KPNA5: variants seen among roughly 807,000 people sequenced by gnomAD.
KPNA5 encodes karyopherin subunit alpha 5.
Under a neutral mutation model 71.3 loss-of-function variants are expected in KPNA5, and 46 were observed. The ratio of observed to expected loss-of-function variants is 0.65; its 90% CI spans 0.51 to 0.83. The LOEUF is 0.83. Ranked by LOEUF, KPNA5 falls within the 40% of genes least tolerant of loss-of-function variation. The pLI is 0.00. For missense variants in KPNA5, 547 were observed against 628.3 expected, an observed-to-expected ratio of 0.87 and a Z score of 1.38; for synonymous variants, 207 against 201.4, an observed-to-expected ratio of 1.03 and a Z score of -0.24.
Position 116,729,606 on chromosome 6 carries a change from T to G in KPNA5, c.1297T>G (p.Leu433Val). Residue 433 changes from leucine (L) to valine (V), a missense_variant, in exon 13 of 14, where the codon TTG becomes GTG. Coordinates refer to ENST00000368564, the MANE Select transcript of KPNA5 (RefSeq NM_001366306.2). ...LGCIKPLCDL[L>V]TVMDSKIVQV... ...CTGCATTAAACCACTTTGTGATCTT[T>G]TGACTGTTATGGACTCCAAAATAGT... is the stretch of plus-strand genomic sequence containing the variant. 6.2e-7 allele frequency: 1 copy of G among 1,600,502 alleles called. No homozygotes were observed. Among genetic ancestry groups the G allele is most frequent in the Non-Finnish European group, 8.5e-7 (1 of 1,173,138 alleles).
Position 116,709,973 on chromosome 6 carries a change from A to G in KPNA5, c.656+4813A>G, listed in dbSNP as rs1583426367. Among the ~76,000 whole-genome samples, 3 of 152,004 alleles carry G rather than the reference A, an allele frequency of 2.0e-5. 1 individual carries two copies. In the East Asian group the frequency reaches 5.8e-4, roughly 29 times the overall value. On this transcript the variant is annotated intron_variant, in intron 7 of 13. Transcript: ENST00000368564. ...ACAGGGTTTCACCATGTTGGCCAGGATGGTCTCCATCTCCTAACCTCGTGA... is the reference window on the plus strand; with the variant it reads ...ACAGGGTTTCACCATGTTGGCCAGGGTGGTCTCCATCTCCTAACCTCGTGA...
At chr6:116,720,689 C>T (rs1192331107) in intron 8 of KPNA5, among the ~76,000 whole-genome samples, 1 of 151,920 alleles carries the variant, frequency 6.6e-6, no homozygotes, top group African/African-American at 2.4e-5. Context: ...CCTGTCTGTA[C>T]AAAAATTAGC....
Position 116,710,416 on chromosome 6 carries a change from T to G in KPNA5, c.656+5256T>G, listed in dbSNP as rs1430201610. On this transcript the variant is annotated intron_variant, in intron 7 of 13. Coordinates refer to ENST00000368564, the MANE Select transcript of KPNA5 (RefSeq NM_001366306.2). ...TTAAAAAAAAAATTTTGCGGCTACA[T>G]AGTAGATATGTTTATTTATGGGGTA... Among the ~76,000 whole-genome samples the G allele has an allele frequency of 2.6e-5, 4 of 152,276 alleles. No homozygotes were observed. The East Asian group carries it at 7.7e-4, about 29-fold the overall frequency.
In KPNA5 at chr6:116,735,368, TCAG is replaced by T. The variant is rs1779635536; in HGVS notation, c.*3048_*3050del. The T allele has an allele frequency of 6.6e-6, 1 of 151,784 alleles. No homozygotes were observed. The highest frequency in any genetic ancestry group is 2.1e-4 in the South Asian group (1 of 4,836). The allele number at this position is 151,784 out of a possible 1,614,324, so 9.4% of individuals were successfully genotyped here. ...GTGAATTTTTGTTATGGTTCTCAAT[TCAG>T]CAATCTACTGGCTGCTTGCGAAACT... On this transcript the variant is annotated 3_prime_UTR_variant, in exon 14 of 14. Transcript: ENST00000368564.
Position 116,738,743 on chromosome 6 carries a change from C to CA in KPNA5, c.*6426dup, listed in dbSNP as rs1445417302. ...TCCAGCATATAAACAGAACCAAAGACAAAAAACACATGATTATCTCAACAA... is the reference window on the plus strand; with the variant it reads ...TCCAGCATATAAACAGAACCAAAGACAAAAAAACACATGATTATCTCAACAA... On this transcript the variant is annotated 3_prime_UTR_variant, in exon 14 of 14. Transcript: ENST00000368564. The CA allele has an allele frequency of 1.3e-5, 2 of 152,086 alleles. No homozygotes were observed. Among genetic ancestry groups the CA allele is most frequent in the Non-Finnish European group, 1.5e-5 (1 of 68,012 alleles). 9.4% of individuals were successfully genotyped at this position (152,086 alleles called of 1,614,324 possible).
intron 11 of KPNA5, among the ~76,000 whole-genome samples, chr6:116,726,191 A>G (rs1466966861): frequency 6.6e-6 from 1 of 152,032 alleles, no homozygotes; most frequent in Non-Finnish European, 1.5e-5. Context: ...TTAATGATTT[A>G]TTAGGGTTCT....
intron 1 of KPNA5, among the ~76,000 whole-genome samples, chr6:116,681,840 A>T (rs1472361906): frequency 2.0e-5 from 3 of 152,012 alleles, no homozygotes; most frequent in Admixed American, 6.6e-5. Context: ...TCCCGACGAC[A>T]AGGCAAGCCT....
rs150959019 is a variant in KPNA5, at chr6:116,714,986, G to A, written c.657-1233G>A. ...TTGCGTAAGAGTAGGTTAAAATGCC[G>A]CAAAGCTTTCCTACTACATTTCAGC... On this transcript the variant is annotated intron_variant, in intron 7 of 13. Transcript: ENST00000368564. Among the ~76,000 whole-genome samples the A allele has an allele frequency of 2.1e-3, 316 of 152,222 alleles. 1 individual carries two copies. Among genetic ancestry groups the A allele is most frequent in the Non-Finnish European group, 3.2e-3 (219 of 67,998 alleles).
chr6:116,717,249 G>A (rs1027390007), intron 8 of KPNA5, among the ~76,000 whole-genome samples: 3 of 152,134 alleles, frequency 2.0e-5, no homozygotes, highest in Admixed American at 6.5e-5. Flanking sequence ...GACGAATGAT[G>A]TCTTAGTATT....
Position 116,683,290 on chromosome 6 carries a change from C to T in KPNA5, c.4+1952C>T, listed in dbSNP as rs147634289. Among the ~76,000 whole-genome samples, 792 of 152,134 alleles carry T rather than the reference C, an allele frequency of 5.2e-3. 13 individuals carry two copies. Among genetic ancestry groups the T allele is most frequent in the African/African-American group, 0.018 (734 of 41,508 alleles). On this transcript the variant is annotated intron_variant, in intron 1 of 13. Coordinates refer to ENST00000368564, the MANE Select transcript of KPNA5 (RefSeq NM_001366306.2). ...AGGATGAATGCACAAATGTATTTTACGAATGTAGGATGTGTGATTGAAAAC... is the reference window on the plus strand; with the variant it reads ...AGGATGAATGCACAAATGTATTTTATGAATGTAGGATGTGTGATTGAAAAC...
At chr6:116,684,162 C>T (rs899610660) in intron 1 of KPNA5, among the ~76,000 whole-genome samples, 14 of 152,050 alleles carry the variant, frequency 9.2e-5, no homozygotes, top group Non-Finnish European at 1.8e-4. Context: ...ATCGACTCTC[C>T]TTGGCCTTCT....
chr6:116,699,981 G>A (rs999037624), intron 5 of KPNA5, among the ~76,000 whole-genome samples: 2 of 152,158 alleles, frequency 1.3e-5, no homozygotes, highest in Admixed American at 6.5e-5. Flanking sequence ...CATATCCTTA[G>A]TGCTCTAACA....
In KPNA5 at chr6:116,727,293, T is replaced by C. The variant is rs112095572; in HGVS notation, c.1253+671T>C. 7.2e-5 allele frequency among the ~76,000 whole-genome samples: 11 copies of C among 152,154 alleles called. 1 individual carries two copies. The highest frequency in any genetic ancestry group is 2.4e-4 in the African/African-American group (10 of 41,552). On this transcript the variant is annotated intron_variant, in intron 12 of 13. Transcript: ENST00000368564. ...AATGAGTTCCAGTAATGAATAGTTA[T>C]GGCAGTGTAAGTCAGCCTTCCATAT...
Position 116,686,725 on chromosome 6 carries a change from G to T in KPNA5, c.5-2595G>T, listed in dbSNP as rs190148234. The stretch of plus-strand genomic sequence containing the variant: ...ATCTCGAGTTATTTTGTATATGGAA[G>T]GGGTCCAGTTTCAATCTTCTGCATG... On this transcript the variant is annotated intron_variant, in intron 1 of 13. Coordinates refer to ENST00000368564, the MANE Select transcript of KPNA5 (RefSeq NM_001366306.2). Among the ~76,000 whole-genome samples the T allele has an allele frequency of 8.2e-3, 1,246 of 152,246 alleles. 18 individuals are homozygous for T. The highest frequency in any genetic ancestry group is 0.012 in the Admixed American group (188 of 15,278).
intron 9 of KPNA5, 24 bp from the exon 10 acceptor site, chr6:116,724,273 G>C (rs749168371): frequency 6.6e-7 from 1 of 1,512,522 alleles, no homozygotes; most frequent in Non-Finnish European, 9.2e-7. Flanking sequence ...CTAGTATTTA[G>C]GTTCATGTTT....
intron 5 of KPNA5, among the ~76,000 whole-genome samples, chr6:116,701,787 TCA>T (rs1405676539): frequency 1.3e-5 from 2 of 152,204 alleles, no homozygotes; most frequent in African/African-American, 4.8e-5. Flanking sequence ...TATATTTTTC[TCA>T]GTTCTTATTT....
Position 116,740,150 on chromosome 6 carries a change from A to G in KPNA5, c.*7827A>G, listed in dbSNP as rs902268716. ...TACAATGAACTCAAACAAATTTACAAGAAAAAAACAACCCCATCAAAAAGT... is the reference window on the plus strand; with the variant it reads ...TACAATGAACTCAAACAAATTTACAGGAAAAAAACAACCCCATCAAAAAGT... On this transcript the variant is annotated 3_prime_UTR_variant, in exon 14 of 14. Transcript: ENST00000368564. The G allele has an allele frequency of 3.9e-5, 6 of 152,120 alleles. No homozygotes were observed. The highest frequency in any genetic ancestry group is 1.5e-5 in the Non-Finnish European group (1 of 68,006). 9.4% of individuals were successfully genotyped at this position (152,120 alleles called of 1,614,324 possible). A position where few individuals can be genotyped will look rare whatever the true frequency, so the allele number is the denominator to read the frequency against.
chr6:116,704,458 G>A (rs1030314126), intron 6 of KPNA5, among the ~76,000 whole-genome samples: 1 of 152,190 alleles, frequency 6.6e-6, no homozygotes, highest in East Asian at 1.9e-4. Context: ...GTCTGTCATC[G>A]ACTAAAATGT....
intron 12 of KPNA5, among the ~76,000 whole-genome samples, chr6:116,729,052 A>G (rs755088832): frequency 6.6e-6 from 1 of 151,970 alleles, no homozygotes; most frequent in African/African-American, 2.4e-5. Flanking sequence ...GAAACACAGT[A>G]TATGTTTCAG....
Sources: gnomAD v4.1 joint callset for allele counts (sites outside exome capture counted in the v4.1 genomes callset) on GRCh38, gnomAD v4.1.1 for gene constraint, MANE v1.5 for transcripts, NCBI Gene and HGNC (gene_info 2026-07-23, HGNC 2026-07-21) for gene names.